The following SPP2 variants were observed in gnomAD, a reference collection of about 807,000 sequenced individuals.
The protein encoded by SPP2 is secreted phosphoprotein 2.
A neutral mutation model predicts 28.8 loss-of-function variants in SPP2; 34 were observed. The ratio of observed to expected loss-of-function variants is 1.18; its 90% CI spans 0.90 to 1.57. The LOEUF (loss-of-function observed/expected upper bound fraction) is 1.57. Ranked by LOEUF, SPP2 falls within the 40% of genes most tolerant of loss-of-function variation. The pLI is 0.00. For synonymous variants in SPP2, 96 were observed against 89.4 expected (o/e 1.07, Z -0.42); for missense variants, 269 against 263.9 (o/e 1.02, Z -0.13).
At chr2:234,064,038 A>C (rs1693770901) in intron 4 of SPP2, among the ~76,000 whole-genome samples, 1 of 152,180 alleles carries the variant, frequency 6.6e-6, no homozygotes, top group Admixed American at 6.5e-5. Context: ...AGTTGGCTTC[A>C]GGGACAACTC....
intron 4 of SPP2, among the ~76,000 whole-genome samples, chr2:234,066,302 A>G (rs763680119): frequency 2.3e-4 from 35 of 152,150 alleles, no homozygotes; most frequent in Admixed American, 1.4e-3. Context: ...AGTCTAGGGG[A>G]AAGATCTGTG....
chr2:234,058,651 T>C (rs1433176461), intron 2 of SPP2, among the ~76,000 whole-genome samples, 185 bp from the exon 3 acceptor site: 1 of 152,216 alleles, frequency 6.6e-6, no homozygotes, highest in Non-Finnish European at 1.5e-5. Flanking sequence ...TACGACTTTG[T>C]TAAGTCACTT....
At chr2:234,053,695 G>A (rs568636062) in intron 2 of SPP2, among the ~76,000 whole-genome samples, 1 of 152,080 alleles carries the variant, frequency 6.6e-6, no homozygotes, top group Non-Finnish European at 1.5e-5. Context: ...TGAGAAAGGA[G>A]GAGAAAGGAA....
chr2:234,065,166 A>G (rs967771529), intron 4 of SPP2, among the ~76,000 whole-genome samples: 3 of 152,200 alleles, frequency 2.0e-5, no homozygotes, highest in Non-Finnish European at 4.4e-5. Context: ...ACCATTTTAC[A>G]TTCCCACCAG....
chr2:234,072,507 T>C (rs1690812926), intron 7 of SPP2, among the ~76,000 whole-genome samples: 1 of 152,228 alleles, frequency 6.6e-6, no homozygotes, highest in African/African-American at 2.4e-5. Flanking sequence ...TGTATACATA[T>C]GTGTATTGCA....
chr2:234,054,547 C>A (rs1281117014), intron 2 of SPP2, among the ~76,000 whole-genome samples: 2 of 152,184 alleles, frequency 1.3e-5, no homozygotes, highest in African/African-American at 4.8e-5. Flanking sequence ...GGGCTGCAGA[C>A]TGCTGATTTC....
intron 7 of SPP2, 107 bp downstream of exon 7, chr2:234,070,130 C>T (rs1311299898): frequency 1.1e-5 from 10 of 870,250 alleles, no homozygotes; most frequent in Non-Finnish European, 1.8e-5. Context: ...TATTCAAATC[C>T]TTGCTTTTCG....
intron 2 of SPP2, among the ~76,000 whole-genome samples, chr2:234,054,158 G>C (rs182344325): frequency 2.4e-4 from 36 of 152,234 alleles, no homozygotes; most frequent in African/African-American, 7.2e-4. Flanking sequence ...AGGAATATTG[G>C]GTGAGCTGGC....
At chr2:234,067,379 C>A (rs1280824304) in intron 6 of SPP2, 105 bp downstream of exon 6, 25 of 990,134 alleles carry the variant, frequency 2.5e-5, no homozygotes, top group Non-Finnish European at 3.9e-5. Flanking sequence ...GGAGTTAAAT[C>A]TCTGAAATAC....
At chr2:234,053,990 C>T (rs938625279) in intron 2 of SPP2, among the ~76,000 whole-genome samples, 4 of 152,128 alleles carry the variant, frequency 2.6e-5, no homozygotes, top group Non-Finnish European at 5.9e-5. Context: ...AATTCATTTC[C>T]AATAGTGGAG....
chr2:234,064,576 A>G (rs973385558), intron 4 of SPP2, among the ~76,000 whole-genome samples: 6 of 152,188 alleles, frequency 3.9e-5, no homozygotes, highest in African/African-American at 1.4e-4. Context: ...GTGGAGATAT[A>G]ATTTACATAC....
intron 6 of SPP2, 74 bp from the exon 7 acceptor site, chr2:234,069,854 G>A (rs1693898577): frequency 2.5e-6 from 3 of 1,178,744 alleles, no homozygotes; most frequent in South Asian, 1.2e-5. Context: ...TCATTAATTT[G>A]TAGTAACATT....
At chr2:234,064,827 T>C (rs531070999) in intron 4 of SPP2, among the ~76,000 whole-genome samples, 170 of 152,278 alleles carry the variant, frequency 1.1e-3, no homozygotes, top group Non-Finnish European at 1.9e-3. Context: ...CTTTTGTGAC[T>C]GACTTGTTTC....
intron 4 of SPP2, among the ~76,000 whole-genome samples, chr2:234,063,296 A>G (rs1414849017): frequency 1.3e-5 from 2 of 152,176 alleles, no homozygotes; most frequent in Admixed American, 6.5e-5. Context: ...ATAAAAATAA[A>G]GATCACTTGA....
chr2:234,069,963 A>C lies in SPP2; in HGVS notation c.586A>C (p.Arg196=). 6.2e-7 allele frequency: 1 copy of C among 1,613,406 alleles called. No individual in the cohort carries two copies. Among genetic ancestry groups the C allele is most frequent in the Non-Finnish European group, 8.5e-7 (1 of 1,179,542 alleles). Residue 196 remains arginine, a synonymous_variant, in exon 7 of 8, where the codon AGG becomes CGG. Transcript: ENST00000168148. Reference sequence around the variant, plus strand: ...AAGGGTATTGCCTCCTGGAAACAGAAGGTACCCAAACCACCGGCACAGAGC... The same window carrying C: ...AAGGGTATTGCCTCCTGGAAACAGACGGTACCCAAACCACCGGCACAGAGC... ...MRRVLPPGNR[R]YPNHRHRARI...
intron 7 of SPP2, among the ~76,000 whole-genome samples, chr2:234,074,408 T>G (rs1440968190): frequency 6.6e-6 from 1 of 152,192 alleles, no homozygotes; most frequent in African/African-American, 2.4e-5. Context: ...ATTTCCACTT[T>G]CAGGTGTCAG....
intron 7 of SPP2, among the ~76,000 whole-genome samples, chr2:234,075,071 C>T (rs1690870601): frequency 6.6e-6 from 1 of 150,750 alleles, no homozygotes; most frequent in Non-Finnish European, 1.5e-5. Context: ...AGCAGGAGAG[C>T]TGAGACATGG....
intron 3 of SPP2, among the ~76,000 whole-genome samples, chr2:234,059,850 C>T (rs985949834): frequency 1.3e-5 from 2 of 152,184 alleles, no homozygotes; most frequent in African/African-American, 2.4e-5. Flanking sequence ...AAAAGGGCAA[C>T]ACCAGCAGTC....
Position 234,060,390 on chromosome 2 carries a change from A to G in SPP2, c.355A>G (p.Thr119Ala). 1 of 1,614,012 alleles carries G rather than the reference A, an allele frequency of 6.2e-7. No homozygotes were observed. The highest frequency in any genetic ancestry group is 8.5e-7 in the Non-Finnish European group (1 of 1,179,942). ...YYVSTAVCRS[T>A]VKVSAQQVQG... The stretch of plus-strand genomic sequence containing the variant: ...CCAGTCCACAGCTGTTTGCAGAAGC[A>G]CCGTGAAGGTATCTGCCCAGCAGGT... Residue 119 changes from threonine to alanine, a missense_variant, in exon 4 of 8, where the codon ACC becomes GCC. Coordinates refer to ENST00000168148, the MANE Select transcript of SPP2 (RefSeq NM_006944.3).
Sources: gnomAD v4.1 joint callset for allele counts (sites outside exome capture counted in the v4.1 genomes callset) on GRCh38, gnomAD v4.1.1 for gene constraint, MANE v1.5 for transcripts, NCBI Gene and HGNC (gene_info 2026-07-23, HGNC 2026-07-21) for gene names.